Variants in KMT2C observed in about 807,000 individuals in gnomAD.
KMT2C encodes histone-lysine N-methyltransferase 2C.
KMT2C carries 88 observed loss-of-function variants against 507.9 expected under a neutral mutation model. That is an observed-to-expected ratio of 0.17 (90% CI 0.15 to 0.21). The LOEUF (loss-of-function observed/expected upper bound fraction) is 0.21. KMT2C is among the 10% of genes least tolerant of loss of function. The pLI is 1.00. For synonymous variants in KMT2C, 2,049 were observed against 2,080.8 expected (o/e 0.98, Z 0.42); for missense variants, 4,954 against 5,957.8 (o/e 0.83, Z 5.55).
intron 55 of KMT2C, among the ~76,000 whole-genome samples, chr7:152,142,496 G>A (rs1022175968): frequency 6.6e-6 from 1 of 152,232 alleles, no homozygotes; most frequent in African/African-American, 2.4e-5. Flanking sequence ...GCTGCAGGAA[G>A]AAGTGTGCAG....
chr7:152,207,743 C>G (rs2094347026), intron 23 of KMT2C, among the ~76,000 whole-genome samples: 1 of 152,166 alleles, frequency 6.6e-6, no homozygotes, highest in Non-Finnish European at 1.5e-5. Context: ...GGTCTCTAGA[C>G]TAGAACTCTC....
At chr7:152,309,480 T>G (rs1028408090) in intron 6 of KMT2C, among the ~76,000 whole-genome samples, 3 of 149,750 alleles carry the variant, frequency 2.0e-5, no homozygotes, top group Non-Finnish European at 4.4e-5. Flanking sequence ...TGCACCAGCA[T>G]GCCCGGCTAA....
intron 22 of KMT2C, among the ~76,000 whole-genome samples, chr7:152,221,413 A>G (rs932073721): frequency 6.6e-6 from 1 of 152,248 alleles, no homozygotes; most frequent in Non-Finnish European, 1.5e-5. Flanking sequence ...AGAATACTCC[A>G]GAAGCTCATC....
At chr7:152,321,945 ACAT>A (rs1483908200) in intron 3 of KMT2C, among the ~76,000 whole-genome samples, 2 of 151,978 alleles carry the variant, frequency 1.3e-5, no homozygotes, top group Non-Finnish European at 2.9e-5. Flanking sequence ...AGCACAGAAG[ACAT>A]CAAACAGCCG....
chr7:152,352,695 C>G (rs955818641), intron 2 of KMT2C, among the ~76,000 whole-genome samples: 1 of 152,142 alleles, frequency 6.6e-6, no homozygotes, highest in African/African-American at 2.4e-5. Context: ...CCCCGATATC[C>G]CTTGAGCCTA....
chr7:152,176,174 C>T lies in KMT2C; in HGVS notation c.9262+17G>A, dbSNP rs909022727. 6.4e-7 allele frequency: 1 copy of T among 1,569,268 alleles called. No homozygotes were observed. Among genetic ancestry groups the T allele is most frequent in the South Asian group, 1.2e-5 (1 of 83,340 alleles). ...ATACCCATAGTAATATACGTTGAGA[C>T]TCAAGAAAACTCCTACCAATATTAG... is the stretch of plus-strand genomic sequence containing the variant. On this transcript the variant is annotated intron_variant, in intron 38 of 58. Transcript: ENST00000262189.
At position 152,400,614 on chromosome 7, in the gene KMT2C, C is replaced by A. The variant is rs113657060; in HGVS notation, c.161+35012G>T. Among the ~76,000 whole-genome samples the A allele has an allele frequency of 1.8e-3, 269 of 152,292 alleles. 1 individual carries two copies. The highest frequency in any genetic ancestry group is 6.2e-3 in the African/African-American group (257 of 41,550). On this transcript the variant is annotated intron_variant, in intron 1 of 58. Transcript: ENST00000262189. Reference sequence around the variant, plus strand: ...GAAAACAATTTTCAGCTTAATTGCACTTGAATAAAATAATACCAGTCAACT... The same window carrying A: ...GAAAACAATTTTCAGCTTAATTGCAATTGAATAAAATAATACCAGTCAACT...
chr7:152,274,532 G>C (rs2096044346), intron 6 of KMT2C, among the ~76,000 whole-genome samples: 1 of 152,194 alleles, frequency 6.6e-6, no homozygotes, highest in Non-Finnish European at 1.5e-5. Context: ...CCAAACAAGA[G>C]GGGCAGTCTA....
At chr7:152,212,616 A>T (rs1290297954) in intron 23 of KMT2C, among the ~76,000 whole-genome samples, 1 of 152,232 alleles carries the variant, frequency 6.6e-6, no homozygotes. Context: ...ACAAATAATG[A>T]TCTGAAAAAA....
intron 55 of KMT2C, 135 bp from the exon 56 acceptor site, chr7:152,139,926 T>C (rs1239252888): frequency 4.5e-6 from 3 of 670,704 alleles, no homozygotes; most frequent in Non-Finnish European, 7.9e-6. Flanking sequence ...CATTTTTGAA[T>C]ATGCTATTTT....
intron 6 of KMT2C, among the ~76,000 whole-genome samples, chr7:152,283,309 T>C (rs2096250136): frequency 6.6e-6 from 1 of 152,254 alleles, no homozygotes; most frequent in Admixed American, 6.5e-5. Context: ...ACACTGCCTA[T>C]TACAGAAGAG....
intron 1 of KMT2C, among the ~76,000 whole-genome samples, chr7:152,374,449 A>T (rs2097313614): frequency 6.6e-6 from 1 of 152,218 alleles, no homozygotes; most frequent in Non-Finnish European, 1.5e-5. Flanking sequence ...AACAACTGAA[A>T]GAGTGAAAGT....
At chr7:152,320,083 CT>C (rs1251329262) in intron 3 of KMT2C, among the ~76,000 whole-genome samples, 2 of 152,180 alleles carry the variant, frequency 1.3e-5, no homozygotes, top group Non-Finnish European at 2.9e-5. Flanking sequence ...TTTCTATACT[CT>C]CGTCTCCGCA....
chr7:152,367,025 T>TG (rs2097252946), intron 1 of KMT2C: 1 of 602,010 alleles, frequency 1.7e-6, no homozygotes, highest in South Asian at 2.0e-5. Flanking sequence ...CCTGGGCTCT[T>TG]GCTCTTGCGG....
chr7:152,236,120 A>T (rs541328856), intron 15 of KMT2C, among the ~76,000 whole-genome samples, 187 bp from the exon 16 acceptor site: 120 of 152,402 alleles, frequency 7.9e-4, no homozygotes, highest in Non-Finnish European at 8.5e-4. Context: ...TCTAAATATA[A>T]AATGCTTACA....
chr7:152,312,528 C>T (rs1384369031), intron 4 of KMT2C, among the ~76,000 whole-genome samples: 1 of 152,152 alleles, frequency 6.6e-6, no homozygotes, highest in African/African-American at 2.4e-5. Context: ...TGGTCTGTGG[C>T]ATGACGTTGC....
intron 6 of KMT2C, among the ~76,000 whole-genome samples, chr7:152,280,196 C>T (rs2096178845): frequency 6.6e-6 from 1 of 152,050 alleles, no homozygotes; most frequent in Non-Finnish European, 1.5e-5. Context: ...GAGGAAAAAC[C>T]AAAGAGTGGC....
At chr7:152,151,352 T>C in intron 50 of KMT2C, 90 bp downstream of exon 50, 1 of 1,340,894 alleles carries the variant, frequency 7.5e-7, no homozygotes, top group Non-Finnish European at 1.0e-6. Flanking sequence ...CCACCATAAG[T>C]GGTGTCTCTC....
At chr7:152,341,111 T>C (rs1389864836) in intron 2 of KMT2C, among the ~76,000 whole-genome samples, 1 of 152,210 alleles carries the variant, frequency 6.6e-6, no homozygotes, top group East Asian at 1.9e-4. Flanking sequence ...GAAATTTAAC[T>C]TTATTTAGGC....
Sources: gnomAD v4.1 joint callset for allele counts (sites outside exome capture counted in the v4.1 genomes callset) on GRCh38, gnomAD v4.1.1 for gene constraint, MANE v1.5 for transcripts, NCBI Gene and HGNC (gene_info 2026-07-23, HGNC 2026-07-21) for gene names.